ZNF605: variants seen among roughly 807,000 people sequenced by gnomAD.
The protein encoded by ZNF605 is zinc finger protein 605.
In ZNF605, 9 loss-of-function variants were observed where a neutral mutation model predicts 7.9. The ratio of observed to expected loss-of-function variants is 1.14; its 90% CI spans 0.68 to 1.98. ZNF605 has a LOEUF of 1.98. ZNF605 is among the 30% of genes most tolerant of loss of function. ZNF605 has a pLI of 0.00. For synonymous variants in ZNF605, 255 were observed against 260.1 expected (o/e 0.98, Z 0.19); for missense variants, 673 against 762.4 (o/e 0.88, Z 1.38).
chr12:132,932,891 C>A, intron 4 of ZNF605, 144 bp downstream of exon 4: 1 of 1,355,180 alleles, frequency 7.4e-7, no homozygotes, highest in Non-Finnish European at 9.8e-7. Flanking sequence ...ATAAAGGCTG[C>A]AAAATAAAGC....
intron 1 of ZNF605, among the ~76,000 whole-genome samples, chr12:132,949,581 G>C (rs1309263781): frequency 6.6e-6 from 1 of 152,166 alleles, no homozygotes; most frequent in South Asian, 2.1e-4. Flanking sequence ...GTATCTGCAG[G>C]GAGCAGGAGG....
rs897990392 is a variant in ZNF605 at position 132,945,641 on chromosome 12, G to A, written c.-6C>T. On this transcript the variant is annotated 5_prime_UTR_variant, in exon 3 of 5. Transcript: ENST00000360187. ...CCCACCTGTGACTGGATCATTTTCC[G>A]CTGCTCTTGGGAAATCTGCTGTTTT... 2.5e-5 allele frequency: 41 copies of A among 1,614,118 alleles called. No homozygotes were observed. The highest frequency in any genetic ancestry group is 1.3e-5 in the African/African-American group (1 of 75,014).
At chr12:132,935,113 T>G (rs939494875) in intron 3 of ZNF605, among the ~76,000 whole-genome samples, 2 of 151,968 alleles carry the variant, frequency 1.3e-5, no homozygotes, top group Non-Finnish European at 2.9e-5. Context: ...CCTAGAGAGG[T>G]AAGCAGAGGC....
At chr12:132,949,777 G>A (rs1398089975) in intron 1 of ZNF605, among the ~76,000 whole-genome samples, 5 of 152,170 alleles carry the variant, frequency 3.3e-5, no homozygotes, top group Non-Finnish European at 4.4e-5. Context: ...GACCCAAACC[G>A]TGGTGAATGG....
At chr12:132,931,330 C>T (rs1952307226) in intron 4 of ZNF605, among the ~76,000 whole-genome samples, 1 of 152,178 alleles carries the variant, frequency 6.6e-6, no homozygotes, top group African/African-American at 2.4e-5. Flanking sequence ...ACAAATTCCA[C>T]AGAGAACACA....
At chr12:132,951,467 T>G (rs1952565322) in intron 1 of ZNF605, among the ~76,000 whole-genome samples, 1 of 144,644 alleles carries the variant, frequency 6.9e-6, no homozygotes, top group African/African-American at 2.5e-5. Flanking sequence ...CACTCAGACA[T>G]GCACGCAGAT....
intron 1 of ZNF605, among the ~76,000 whole-genome samples, chr12:132,954,664 C>G (rs1440375038): frequency 6.6e-6 from 1 of 151,466 alleles, no homozygotes; most frequent in Non-Finnish European, 1.5e-5. Context: ...GGCCCCCAAG[C>G]ATTCGCCCCC....
At chr12:132,936,070 CA>C (rs1172976393) in intron 3 of ZNF605, among the ~76,000 whole-genome samples, 1 of 142,490 alleles carries the variant, frequency 7.0e-6, no homozygotes. Flanking sequence ...CAAAAAAAAC[CA>C]AAAAAAAACA....
chr12:132,926,501 C>T lies in ZNF605; in HGVS notation c.798G>A (p.Ser266=), dbSNP rs1484315158. Residue 266 remains serine (S), a synonymous_variant, in exon 5 of 5, where the codon TCG becomes TCA. Coordinates refer to ENST00000360187, the MANE Select transcript of ZNF605 (RefSeq NM_183238.4). The part of the protein sequence containing the change: ...SECGKAFSRK[S]QLKRHQITHT... ...GCGTTATCTGATGTCTTTTAAGCTG[C>T]GACTTCCTACTGAAGGCTTTTCCAC... is the stretch of plus-strand genomic sequence containing the variant. The T allele has an allele frequency of 1.4e-5, 22 of 1,613,860 alleles. No individual in the cohort carries two copies. Among genetic ancestry groups the T allele is most frequent in the African/African-American group, 5.3e-5 (4 of 74,854 alleles).
Position 132,925,863 on chromosome 12 carries a change from C to T in ZNF605, c.1436G>A (p.Cys479Tyr). ...RTHTGEKPYE[C>Y]SECRKTFSEK... ...ACTGAAGGTTTTCCTGCATTCACTGCATTCATAGGGTTTCTCACCTGTATG... is the reference window on the plus strand; with the variant it reads ...ACTGAAGGTTTTCCTGCATTCACTGTATTCATAGGGTTTCTCACCTGTATG... The change falls in exon 5 of 5, where the codon TGC becomes TAC. Residue 479 changes from cysteine (C) to tyrosine (Y), a missense_variant. Coordinates refer to ENST00000360187, the MANE Select transcript of ZNF605 (RefSeq NM_183238.4). 1.2e-6 allele frequency: 2 copies of T among 1,614,162 alleles called. No individual in the cohort carries two copies. Among genetic ancestry groups the T allele is most frequent in the Non-Finnish European group, 1.7e-6 (2 of 1,180,008 alleles).
At chr12:132,938,612 T>C (rs1952393041) in intron 3 of ZNF605, among the ~76,000 whole-genome samples, 1 of 152,182 alleles carries the variant, frequency 6.6e-6, no homozygotes, top group South Asian at 2.1e-4. Flanking sequence ...AGCCCTCGCT[T>C]GTTCTCGGCA....
chr12:132,953,717 G>A (rs1386868901), intron 1 of ZNF605, among the ~76,000 whole-genome samples: 2 of 151,850 alleles, frequency 1.3e-5, no homozygotes, highest in African/African-American at 2.4e-5. Context: ...GAGCCACGGT[G>A]CCCAGCTAAG....
At chr12:132,943,062 GGTTAAA>G (rs1952460050) in intron 3 of ZNF605, among the ~76,000 whole-genome samples, 2 of 152,072 alleles carry the variant, frequency 1.3e-5, no homozygotes, top group Non-Finnish European at 1.5e-5. Flanking sequence ...TTCAGCTCCT[GGTTAAA>G]TACCTGTAGT....
At chr12:132,944,167 C>T (rs1361578905) in intron 3 of ZNF605, among the ~76,000 whole-genome samples, 2 of 152,126 alleles carry the variant, frequency 1.3e-5, no homozygotes, top group Non-Finnish European at 2.9e-5. Context: ...CCTTCCTCCT[C>T]CTGCTTTCCG....
chr12:132,936,623 A>G (rs7131737), intron 3 of ZNF605, among the ~76,000 whole-genome samples: 25,143 of 152,218 alleles, frequency 0.17, 2,126 homozygotes, highest in Non-Finnish European at 0.19. Context: ...ACAAAAAGCA[A>G]TTCTACAGTC....
chr12:132,945,263 TGA>T, intron 3 of ZNF605: 1 of 734,262 alleles, frequency 1.4e-6, no homozygotes, highest in Non-Finnish European at 2.3e-6. Flanking sequence ...CATGCCCAGC[TGA>T]GACTTTTGTA....
At chr12:132,950,386 C>T (rs779711097) in intron 1 of ZNF605, among the ~76,000 whole-genome samples, 217 of 152,256 alleles carry the variant, frequency 1.4e-3, no homozygotes, top group Non-Finnish European at 2.3e-3. Context: ...CTCAGACATG[C>T]GCACACACTC....
intron 4 of ZNF605, among the ~76,000 whole-genome samples, chr12:132,931,409 G>A (rs1217986488): frequency 6.6e-6 from 1 of 152,142 alleles, no homozygotes; most frequent in Non-Finnish European, 1.5e-5. Flanking sequence ...AGGAATTTCA[G>A]ATAATGTCCA....
intron 2 of ZNF605, among the ~76,000 whole-genome samples, chr12:132,947,826 G>C (rs1369554274): frequency 6.6e-6 from 1 of 150,534 alleles, no homozygotes; most frequent in African/African-American, 2.4e-5. Flanking sequence ...CTGGAGTGCA[G>C]TGGCGTGATC....
Sources: allele counts gnomAD v4.1 joint callset (sites outside exome capture counted in the v4.1 genomes callset), GRCh38; gene constraint gnomAD v4.1.1; transcripts MANE v1.5; gene names NCBI Gene and HGNC (gene_info 2026-07-23, HGNC 2026-07-21).